RBBP8: variants seen among roughly 807,000 people sequenced by gnomAD.
RBBP8 encodes the protein RB binding protein 8, endonuclease.
A neutral mutation model predicts 108.3 loss-of-function variants in RBBP8; 88 were observed. That is an observed-to-expected ratio of 0.81 (90% CI 0.68 to 0.97). RBBP8 has a LOEUF of 0.97. RBBP8 is among the 50% of genes least tolerant of loss of function. The pLI, the probability that RBBP8 is intolerant of heterozygous loss-of-function variation, is 0.00. For missense variants in RBBP8, 1,023 were observed against 1,049.0 expected (o/e 0.98, Z 0.34); for synonymous variants, 332 against 348.2 (o/e 0.95, Z 0.52).
rs781592798 is a variant in RBBP8 at position 22,968,893 on chromosome 18, G to A, written c.336G>A (p.Gln112=). Residue 112 remains glutamine, a synonymous_variant, in exon 5 of 19, where the codon CAG becomes CAA. Transcript: ENST00000327155. ...AAGAGTTTGAAAATATCCGGCAGCA[G>A]AATCTTAAACTTATTACAGAACTTA... ...KQQEFENIRQ[Q]NLKLITELMN... is the part of the protein sequence containing the mutation. 11 of 1,612,266 alleles carry A rather than the reference G, an allele frequency of 6.8e-6. No homozygotes were observed. The highest frequency in any genetic ancestry group is 9.3e-6 in the Non-Finnish European group (11 of 1,178,686).
intron 2 of RBBP8, among the ~76,000 whole-genome samples, chr18:22,941,997 A>G (rs1911121240): frequency 6.6e-6 from 1 of 152,162 alleles, no homozygotes; most frequent in Admixed American, 6.5e-5. Context: ...AATATGTTCC[A>G]CATAGTTCCA....
At chr18:22,991,477 G>A (rs368174917) in intron 10 of RBBP8, among the ~76,000 whole-genome samples, 173 of 152,244 alleles carry the variant, frequency 1.1e-3, no homozygotes, top group African/African-American at 3.9e-3. Flanking sequence ...TGATATCAGT[G>A]GGGGATTAGT....
intron 15 of RBBP8, among the ~76,000 whole-genome samples, chr18:23,003,058 T>A (rs925792292): frequency 6.6e-6 from 1 of 152,242 alleles, no homozygotes; most frequent in Admixed American, 6.5e-5. Context: ...TTAGCTTTTC[T>A]GACGATGCTG....
intron 4 of RBBP8, among the ~76,000 whole-genome samples, chr18:22,961,523 A>G (rs1190556529): frequency 1.3e-5 from 2 of 152,250 alleles, no homozygotes; most frequent in Non-Finnish European, 2.9e-5. Context: ...TGAAAAGAAC[A>G]TAGGTAGGAG....
intron 4 of RBBP8, among the ~76,000 whole-genome samples, chr18:22,961,599 C>T (rs1275153805): frequency 3.3e-5 from 5 of 152,196 alleles, no homozygotes; most frequent in Admixed American, 2.6e-4. Context: ...GCATGTGGCC[C>T]AGGACAGCTT....
intron 3 of RBBP8, among the ~76,000 whole-genome samples, chr18:22,918,338 T>C (rs1390795697): frequency 2.0e-5 from 3 of 152,308 alleles, no homozygotes; most frequent in African/African-American, 2.4e-5. Context: ...AAAACCTCAA[T>C]GGCAGAGCCT....
upstream of RBBP8, chr18:22,929,500 GTGTGTGTGTGAAGAGACAGGC>G (rs1909924977): frequency 3.0e-5 from 1 of 33,498 alleles, no homozygotes; most frequent in Admixed American, 2.9e-4. Context: ...GTGTGTGTGT[GTGTGTGTGTGAAGAGACAGGC>G]GGGTGTGTGT....
chr18:22,970,794 G>A (rs1241578215), intron 5 of RBBP8, among the ~76,000 whole-genome samples: 2 of 152,072 alleles, frequency 1.3e-5, no homozygotes, highest in Non-Finnish European at 2.9e-5. Flanking sequence ...TTACACTTTG[G>A]TAGATATGCT....
intron 16 of RBBP8, among the ~76,000 whole-genome samples, chr18:23,013,259 G>A (rs1458615477): frequency 6.6e-6 from 1 of 152,158 alleles, no homozygotes; most frequent in African/African-American, 2.4e-5. Context: ...CCCCTAAAAT[G>A]TGGAAGCTAT....
intron 3 of RBBP8, among the ~76,000 whole-genome samples, chr18:22,924,939 CAG>C (rs915747450): frequency 2.0e-4 from 30 of 151,212 alleles, no homozygotes; most frequent in African/African-American, 6.1e-4. Context: ...CTTTGTCACC[CAG>C]AGTGTGAGCA....
intron 3 of RBBP8, among the ~76,000 whole-genome samples, chr18:22,927,848 T>C (rs904792968): frequency 2.0e-5 from 3 of 151,790 alleles, no homozygotes; most frequent in East Asian, 3.9e-4. Context: ...TGAGTCGAGA[T>C]TGTGCCACTG....
rs1364452283 is a variant in RBBP8 at position 22,991,024 on chromosome 18, A to G, written c.895A>G (p.Thr299Ala). Residue 299 changes from threonine to alanine, a missense_variant, in exon 10 of 19, where the codon ACA becomes GCA. Transcript: ENST00000327155. ...CAAGAAACAGCCTTTTGAGGAATCT[A>G]CAAGAAATACTGAAGATAGTTTAAG... ...NHKKQPFEESTRNTEDSLRFS... is the reference protein window; with the variant it reads ...NHKKQPFEESARNTEDSLRFS... 1.2e-6 allele frequency: 2 copies of G among 1,612,646 alleles called. No individual in the cohort carries two copies. Among genetic ancestry groups the G allele is most frequent in the South Asian group, 1.1e-5 (1 of 91,046 alleles).
intron 16 of RBBP8, among the ~76,000 whole-genome samples, chr18:23,007,936 G>T (rs779506305): frequency 6.6e-6 from 1 of 150,748 alleles, no homozygotes; most frequent in Non-Finnish European, 1.5e-5. Flanking sequence ...CATCAGCCTC[G>T]CGAGTAGCTG....
intron 4 of RBBP8, among the ~76,000 whole-genome samples, chr18:22,967,114 C>T (rs187929596): frequency 6.6e-6 from 1 of 152,264 alleles, no homozygotes; most frequent in African/African-American, 2.4e-5. Context: ...CGCCTGTAAT[C>T]CCAGCACTTT....
rs775293996 is a variant in RBBP8, at chr18:22,993,611, A to G, written c.1784A>G (p.Glu595Gly). Residue 595 changes from glutamate (E) to glycine (G), a missense_variant, in exon 11 of 19, where the codon GAG (glutamate) becomes GGG (glycine). By Grantham distance (98) the Glu-to-Gly change is moderately conservative. Transcript: ENST00000327155. ...CCTCTACGTCCACGTGAAAGTTTGG[A>G]GACTGAGAATGTTTTAGATGACATA... is the stretch of plus-strand genomic sequence containing the variant. ...KIPLRPRESLETENVLDDIKS... is the reference protein window; with the variant it reads ...KIPLRPRESLGTENVLDDIKS... 1.2e-6 allele frequency: 2 copies of G among 1,614,256 alleles called. No homozygotes were observed. Among genetic ancestry groups the G allele is most frequent in the South Asian group, 2.2e-5 (2 of 91,086 alleles).
chr18:23,023,613 G>A (rs145252927), intron 18 of RBBP8, among the ~76,000 whole-genome samples: 1 of 152,246 alleles, frequency 6.6e-6, no homozygotes, highest in East Asian at 1.9e-4. Flanking sequence ...CTTTGGGGTA[G>A]CATACTCCCA....
intron 4 of RBBP8, 150 bp from the exon 5 acceptor site, chr18:22,968,656 A>G: frequency 1.6e-6 from 1 of 631,466 alleles, no homozygotes; most frequent in Non-Finnish European, 2.8e-6. Context: ...AGCCTATATA[A>G]GAATATGTTA....
Position 23,026,147 on chromosome 18 carries a change from T to C in RBBP8, c.2601T>C (p.Tyr867=), listed in dbSNP as rs769383023. ...PSTQTCMERG[Y]IKEDLDPCPR... ...AGTTTATGATTTGTTTTTAAGGTTA[T>C]ATTAAGGAAGATCTTGATCCTTGTC... Residue 867 remains tyrosine (Y), a synonymous_variant, in exon 19 of 19, where the codon TAT becomes TAC. Transcript: ENST00000327155. 3 of 1,611,896 alleles carry C rather than the reference T, an allele frequency of 1.9e-6. No homozygotes were observed. The highest frequency in any genetic ancestry group is 2.5e-6 in the Non-Finnish European group (3 of 1,178,176).
At chr18:22,935,411 CATT>C (rs1910478606) in intron 1 of RBBP8, among the ~76,000 whole-genome samples, 2 of 150,294 alleles carry the variant, frequency 1.3e-5, no homozygotes, top group Non-Finnish European at 3.0e-5. Flanking sequence ...AAAACCGCAT[CATT>C]ATCATACCCA....
Sources: gnomAD v4.1 joint callset for allele counts (sites outside exome capture counted in the v4.1 genomes callset) on GRCh38, gnomAD v4.1.1 for gene constraint, MANE v1.5 for transcripts, NCBI Gene and HGNC (gene_info 2026-07-23, HGNC 2026-07-21) for gene names.